WRAP53: variants seen among roughly 807,000 people sequenced by gnomAD.
WRAP53 encodes the protein WD repeat containing antisense to TP53, also known as telomerase Cajal body protein 1.
In WRAP53, 28 loss-of-function variants were observed where a neutral mutation model predicts 56.6. The observed-to-expected ratio is 0.50, with a 90% CI of 0.37 to 0.68. The LOEUF is 0.68. WRAP53 is among the 30% of genes least tolerant of loss of function. The probability of loss-of-function intolerance (pLI) is 0.00; values close to 1 mark genes in which losing one functional copy is unlikely to be tolerated. For synonymous variants in WRAP53, 283 were observed against 283.4 expected (o/e 1.00, Z 0.01); for missense variants, 671 against 715.5 (o/e 0.94, Z 0.71).
At position 7,700,806 on chromosome 17, in the gene WRAP53, C is replaced by T; in HGVS notation, c.708C>T (p.Ser236=). 1.2e-6 allele frequency: 2 copies of T among 1,612,980 alleles called. No homozygotes were observed. Among genetic ancestry groups the T allele is most frequent in the Non-Finnish European group, 1.7e-6 (2 of 1,179,198 alleles). The change falls in exon 5 of 11, where the codon TCC becomes TCT. Residue 236 remains serine, a synonymous_variant. Coordinates refer to ENST00000396463, the MANE Select transcript of WRAP53 (RefSeq NM_001143992.2). ...ATTACTGCTGGTATTCTCTGATGTCCTCAGCCCAGCCAGACACCTCCTAGT... is the reference window on the plus strand; with the variant it reads ...ATTACTGCTGGTATTCTCTGATGTCTTCAGCCCAGCCAGACACCTCCTAGT... ...IYDYCWYSLM[S]SAQPDTSYVA... is the part of the protein sequence containing the mutation.
intron 4 of WRAP53, among the ~76,000 whole-genome samples, chr17:7,697,870 CTTT>C (rs35262309): frequency 7.0e-6 from 1 of 143,814 alleles, no homozygotes. Flanking sequence ...ACAATAGACA[CTTT>C]TTTTTTTTTT....
intron 4 of WRAP53, among the ~76,000 whole-genome samples, chr17:7,699,502 TTATATATATATATATATA>T (rs1172959796): frequency 8.5e-5 from 1 of 11,754 alleles, no homozygotes; most frequent in Non-Finnish European, 1.3e-4. Context: ...ATATATATAT[TTATATATATATATATATA>T]TTTATATATA....
Position 7,703,063 on chromosome 17 carries a change from A to C in WRAP53, c.1339A>C (p.Asn447His). 6.2e-7 allele frequency: 1 copy of C among 1,614,096 alleles called. No individual in the cohort carries two copies. The highest frequency in any genetic ancestry group is 8.5e-7 in the Non-Finnish European group (1 of 1,180,020). Reference sequence around the variant, plus strand: ...TGTGTGGGACACGGACGGGCCTGGCAATGATGGGAAGCCGGAGCCCGTGTT... The same window carrying C: ...TGTGTGGGACACGGACGGGCCTGGCCATGATGGGAAGCCGGAGCCCGTGTT... Reference protein sequence around the residue: ...VSVWDTDGPGNDGKPEPVLSF... With the variant: ...VSVWDTDGPGHDGKPEPVLSF... The change falls in exon 10 of 11, where the codon AAT (asparagine) becomes CAT (histidine). Residue 447 changes from asparagine to histidine, a missense_variant. Physicochemically the swap from Asn to His is moderately conservative, Grantham distance 68. This residue lies in a region of WRAP53 where 158 missense variants were observed against 215.7 expected (regional missense o/e 0.73). Transcript: ENST00000396463.
chr17:7,702,654 C>A lies in WRAP53; in HGVS notation c.1165-89C>A. 1 of 1,597,978 alleles carries A rather than the reference C, an allele frequency of 6.3e-7. No homozygotes were observed. Among genetic ancestry groups the A allele is most frequent in the East Asian group, 2.2e-5 (1 of 44,804 alleles). On this transcript the variant is annotated intron_variant, in intron 8 of 10. Transcript: ENST00000396463. The surrounding 1 kb of genome is among the most constrained non-coding windows in gnomAD (Gnocchi z 5.0). The stretch of plus-strand genomic sequence containing the variant: ...AATGGGTGGGGATGGGGAAAAAATC[C>A]CAAGCTGAAGGAGTGCCTGGAGACC...
Position 7,696,290 on chromosome 17 carries a change from ATTTTTTTTT to A in WRAP53, c.643-4433_643-4425del, listed in dbSNP as rs35901058. Among the ~76,000 whole-genome samples the A allele has an allele frequency of 8.9e-3, 709 of 79,920 alleles. 8 individuals carry two copies. Among genetic ancestry groups the A allele is most frequent in the African/African-American group, 0.034 (633 of 18,544 alleles). The allele number at this position is 79,920 out of a possible 152,430, so 52.4% of individuals were successfully genotyped here. ...AGAGTCAAAATGGCGGGACTCAGAG[ATTTTTTTTT>A]TTTTTTTTTTTTTTTTTGAAATGGA... On this transcript the variant is annotated intron_variant, in intron 4 of 10. Transcript: ENST00000396463.
intron 4 of WRAP53, among the ~76,000 whole-genome samples, chr17:7,699,232 C>T (rs2074225653): frequency 6.6e-6 from 1 of 150,554 alleles, no homozygotes; most frequent in Non-Finnish European, 1.5e-5. Context: ...CCAGCCTGGC[C>T]AACGTGGCGA....
rs1378139505 is a variant in WRAP53 at position 7,689,580 on chromosome 17, C to T, written c.531-10C>T. The T allele has an allele frequency of 1.4e-5, 22 of 1,613,112 alleles. No homozygotes were observed. The highest frequency in any genetic ancestry group is 1.8e-5 in the Non-Finnish European group (21 of 1,179,224). On this transcript the variant is annotated splice_polypyrimidine_tract_variant and intron_variant, in intron 3 of 10. Coordinates refer to ENST00000396463, the MANE Select transcript of WRAP53 (RefSeq NM_001143992.2). ...GTCTGGCCAGCTTTCTAACTCTCCC[C>T]TGTTTCTAGGGCTCCTGACGGTTCC...
rs765683390 is a variant in WRAP53 at position 7,702,855 on chromosome 17, C to G, written c.1268+9C>G. ...TACTTCGATCTGGACCCGTGAGTGGCTGTGACTCCTTCCTACACAGGGCCC... is the reference window on the plus strand; with the variant it reads ...TACTTCGATCTGGACCCGTGAGTGGGTGTGACTCCTTCCTACACAGGGCCC... On this transcript the variant is annotated intron_variant, in intron 9 of 10. Transcript: ENST00000396463. The surrounding 1 kb of genome is among the most constrained non-coding windows in gnomAD (Gnocchi z 5.0). 24 of 1,613,760 alleles carry G rather than the reference C, an allele frequency of 1.5e-5. 1 individual carries two copies. The South Asian group carries it at 2.4e-4, about 16-fold the overall frequency.
At chr17:7,689,459 C>A (rs1410022333) in intron 3 of WRAP53, 131 bp from the exon 4 acceptor site, 8 of 1,260,522 alleles carry the variant, frequency 6.3e-6, no homozygotes, top group Non-Finnish European at 8.0e-6. Flanking sequence ...TACATTTTAT[C>A]TAGCAGTTTG....
At chr17:7,692,744 TCC>T (rs1314835123) in intron 4 of WRAP53, among the ~76,000 whole-genome samples, 1 of 139,112 alleles carries the variant, frequency 7.2e-6, no homozygotes, top group Non-Finnish European at 1.5e-5. Flanking sequence ...TGGGTCATTC[TCC>T]TTTTTTTTTT....
At chr17:7,694,855 CT>C (rs35283667) in intron 4 of WRAP53, among the ~76,000 whole-genome samples, 11,981 of 136,732 alleles carry the variant, frequency 0.088, 1,115 homozygotes, top group African/African-American at 0.24. Context: ...CCTTTTTGTG[CT>C]TTTTTTTTTT....
intron 4 of WRAP53, among the ~76,000 whole-genome samples, chr17:7,699,484 A>ATT (rs1299167403): frequency 1.3e-4 from 2 of 15,988 alleles, no homozygotes; most frequent in Non-Finnish European, 2.0e-4. Context: ...ATTTATATAT[A>ATT]TATATATATA....
At position 7,688,736 on chromosome 17, in the gene WRAP53, T is replaced by A; in HGVS notation, c.88T>A (p.Ser30Thr). 6.2e-7 allele frequency: 1 copy of A among 1,614,040 alleles called. No individual in the cohort carries two copies. The highest frequency in any genetic ancestry group is 1.1e-5 in the South Asian group (1 of 91,082). Residue 30 changes from serine to threonine, a missense_variant, in exon 2 of 11, where the codon TCC becomes ACC. Coordinates refer to ENST00000396463, the MANE Select transcript of WRAP53 (RefSeq NM_001143992.2). ...PAPAHPSPHA[S>T]PMNKNADSEL... ...TCCAGCCCATCCTTCTCCCCACGCT[T>A]CCCCGATGAATAAAAATGCGGACTC...
intron 10 of WRAP53, 41 bp from the exon 11 acceptor site, chr17:7,703,202 T>C (rs778850912): frequency 6.2e-7 from 1 of 1,613,284 alleles, no homozygotes; most frequent in Admixed American, 1.7e-5. Context: ...GCAAGTGTCC[T>C]CACTGAAGGC....
intron 4 of WRAP53, among the ~76,000 whole-genome samples, chr17:7,697,320 CAAAAAA>C (rs71159522): frequency 1.1e-5 from 1 of 95,026 alleles, no homozygotes; most frequent in African/African-American, 3.7e-5. Context: ...ACTCTGCCTC[CAAAAAA>C]AAAAAAAGAA....
In WRAP53 at chr17:7,702,582, A is replaced by G. The variant is rs746834656; in HGVS notation, c.1164+30A>G. On this transcript the variant is annotated intron_variant, in intron 8 of 10. Transcript: ENST00000396463. This position sits in a 1 kb window ranked among gnomAD's most constrained non-coding sequence, Gnocchi z 5.0. ...GGGTCACACCCTGAGAGCCCAAAGC[A>G]GCTGGGCAGCGGGGCAGGAGCAGGG... 6.2e-7 allele frequency: 1 copy of G among 1,601,048 alleles called. No individual in the cohort carries two copies. The highest frequency in any genetic ancestry group is 8.5e-7 in the Non-Finnish European group (1 of 1,177,804).
chr17:7,703,501 T>C lies in WRAP53; in HGVS notation c.*15T>C, dbSNP rs1360704594. The stretch of plus-strand genomic sequence containing the variant: ...AGCTGATATAAAAAGGTTTTTATGA[T>C]ACTAGAGTCTTCGTGTCTGTTTTGG... On this transcript the variant is annotated 3_prime_UTR_variant, in exon 11 of 11. Transcript: ENST00000396463. The C allele has an allele frequency of 6.7e-7, 1 of 1,495,924 alleles. No homozygotes were observed. Among genetic ancestry groups the C allele is most frequent in the East Asian group, 3.2e-5 (1 of 31,426 alleles). 92.7% of individuals were successfully genotyped at this position (1,495,924 alleles called of 1,614,324 possible).
rs1371365336 is a variant in WRAP53, at chr17:7,701,887, C to T, written c.955+98C>T. On this transcript the variant is annotated intron_variant, in intron 7 of 10. Coordinates refer to ENST00000396463, the MANE Select transcript of WRAP53 (RefSeq NM_001143992.2). This position sits in a 1 kb window ranked among gnomAD's most constrained non-coding sequence, Gnocchi z 4.2. ...CGGGGGCCACCTGTGGGGGTTCACGCCGTCCTCTGTACGGCCCCGGGAGCA... is the reference window on the plus strand; with the variant it reads ...CGGGGGCCACCTGTGGGGGTTCACGTCGTCCTCTGTACGGCCCCGGGAGCA... The T allele has an allele frequency of 6.5e-6, 10 of 1,536,422 alleles. No homozygotes were observed. The East Asian group carries it at 1.2e-4, about 19-fold the overall frequency.
Position 7,702,910 on chromosome 17 carries a change from T to C in WRAP53, c.1268+64T>C. On this transcript the variant is annotated intron_variant, in intron 9 of 10. Coordinates refer to ENST00000396463, the MANE Select transcript of WRAP53 (RefSeq NM_001143992.2). The surrounding 1 kb of genome is among the most constrained non-coding windows in gnomAD (Gnocchi z 5.0). ...AAGCCTAGGAATGCCAGAGCCCAGC[T>C]GTAGGGTCCCAGTCCCTGGGTGTGA... 2 of 1,612,908 alleles carry C rather than the reference T, an allele frequency of 1.2e-6. No individual in the cohort carries two copies. Among genetic ancestry groups the C allele is most frequent in the Non-Finnish European group, 1.7e-6 (2 of 1,179,882 alleles).
Sources: allele counts gnomAD v4.1 joint callset (sites outside exome capture counted in the v4.1 genomes callset), GRCh38; gene constraint gnomAD v4.1.1; regional missense constraint gnomAD v4.1.1; non-coding constraint Gnocchi (gnomAD v3.1); transcripts MANE v1.5; gene names NCBI Gene and HGNC (gene_info 2026-07-23, HGNC 2026-07-21).